RPS6KA3: variants seen among roughly 807,000 people sequenced by gnomAD.
The protein encoded by RPS6KA3 is ribosomal protein S6 kinase A3, also known as ribosomal protein S6 kinase alpha-3.
Under a neutral mutation model 67.2 loss-of-function variants are expected in RPS6KA3, and 4 were observed. The ratio of observed to expected loss-of-function variants is 0.06; its 90% CI spans 0.03 to 0.14. The LOEUF (loss-of-function observed/expected upper bound fraction) is 0.14, where lower values mean the gene tolerates loss of function less well. Ranked by LOEUF, RPS6KA3 falls within the 10% of genes least tolerant of loss-of-function variation. RPS6KA3 has a pLI of 1.00. For missense variants in RPS6KA3, 204 were observed against 559.0 expected, an observed-to-expected ratio of 0.36 and a Z score of 6.40; for synonymous variants, 182 against 183.7, an observed-to-expected ratio of 0.99 and a Z score of 0.07.
intron 2 of RPS6KA3, among the ~76,000 whole-genome samples, chrX:20,215,948 A>G (rs2068838646): frequency 1.8e-5 from 2 of 111,369 alleles, no homozygotes; most frequent in South Asian, 3.7e-4. Context: ...ATTTTTGCCT[A>G]TAAGTACATG....
rs537070574 is a variant in RPS6KA3 at position 20,152,423 on chromosome X, T to C, written c.*2975A>G. 7.1e-5 allele frequency: 8 copies of C among 112,887 alleles called. No homozygotes were observed. Among genetic ancestry groups the C allele is most frequent in the Middle Eastern group, 4.6e-3 (1 of 218 alleles). The allele number at this position is 112,887 out of a possible 1,213,427, so 9.3% of individuals were successfully genotyped here. ...ACCTTCCAGTACGTGCTTGACAAGC[T>C]TAAATTCAATCTCTCATTTTGTAAA... On this transcript the variant is annotated 3_prime_UTR_variant, in exon 22 of 22. Coordinates refer to ENST00000379565, the MANE Select transcript of RPS6KA3 (RefSeq NM_004586.3).
chrX:20,176,951 A>C (rs1167202474), intron 11 of RPS6KA3, 45 bp downstream of exon 11: 2 of 938,083 alleles, frequency 2.1e-6, no homozygotes, highest in Admixed American at 2.2e-5. Flanking sequence ...CTAAAAACAA[A>C]CACCAACAAA....
chrX:20,197,392 CTT>C (rs750206076), intron 4 of RPS6KA3, among the ~76,000 whole-genome samples: 3 of 112,275 alleles, frequency 2.7e-5, no homozygotes, highest in Non-Finnish European at 3.8e-5. Flanking sequence ...GTATATCCCT[CTT>C]GTCTTATTTT....
chrX:20,210,854 T>C (rs1323859648), intron 2 of RPS6KA3, among the ~76,000 whole-genome samples: 5 of 111,264 alleles, frequency 4.5e-5, no homozygotes, highest in Non-Finnish European at 9.4e-5. Flanking sequence ...AGCTGACTCT[T>C]AAAACGCTAC....
Position 20,154,436 on chromosome X carries a change from T to G in RPS6KA3, c.*962A>C, listed in dbSNP as rs758603277. ...CTAAATTTTCCTTCACCCATCTCCT[T>G]ACCATGACTCTTAAAGGGCTTTGAC... On this transcript the variant is annotated 3_prime_UTR_variant, in exon 22 of 22. Coordinates refer to ENST00000379565, the MANE Select transcript of RPS6KA3 (RefSeq NM_004586.3). 9.8e-5 allele frequency: 11 copies of G among 112,385 alleles called. No individual in the cohort carries two copies. The highest frequency in any genetic ancestry group is 1.9e-4 in the Non-Finnish European group (10 of 53,282). 9.3% of individuals were successfully genotyped at this position (112,385 alleles called of 1,213,427 possible).
intron 1 of RPS6KA3, chrX:20,235,577 T>C (rs999200690): frequency 9.0e-6 from 1 of 111,198 alleles, no homozygotes; most frequent in African/African-American, 3.3e-5. Context: ...AAGAAATGCA[T>C]TTAACCCAAA....
At chrX:20,196,935 G>A (rs2068289162) in intron 4 of RPS6KA3, among the ~76,000 whole-genome samples, 1 of 111,804 alleles carries the variant, frequency 8.9e-6, no homozygotes, top group Non-Finnish European at 1.9e-5. Flanking sequence ...CCTCTCCAGG[G>A]TTCAAGTTAT....
chrX:20,227,893 A>G (rs1307445676), intron 2 of RPS6KA3, among the ~76,000 whole-genome samples: 2 of 108,931 alleles, frequency 1.8e-5, no homozygotes, highest in Non-Finnish European at 1.9e-5. Context: ...CATTTCCTCT[A>G]TTGTCTCTTT....
Position 20,209,524 on chromosome X carries a change from A to G in RPS6KA3, c.127-120T>C, listed in dbSNP as rs1246408736. ...TTAATTAGAAATCAATCTAATTTCT[A>G]AACATATTAGAAATCCCAAATTAAC... On this transcript the variant is annotated intron_variant, in intron 2 of 21. Transcript: ENST00000379565. 1.7e-5 allele frequency: 8 copies of G among 481,466 alleles called. No homozygotes were observed. In the Admixed American group the frequency reaches 2.5e-4, roughly 15 times the overall value. The allele number at this position is 481,466 out of a possible 1,213,427, so 39.7% of individuals were successfully genotyped here. A position where few individuals can be genotyped will look rare whatever the true frequency, so the allele number is the denominator to read the frequency against.
chrX:20,196,501 A>G (rs2068275868), intron 4 of RPS6KA3, among the ~76,000 whole-genome samples: 1 of 112,547 alleles, frequency 8.9e-6, no homozygotes, highest in African/African-American at 3.2e-5. Flanking sequence ...TGGAAAGAAT[A>G]GGACAATCTT....
At chrX:20,188,836 G>A (rs1016977105) in intron 7 of RPS6KA3, among the ~76,000 whole-genome samples, 4 of 112,849 alleles carry the variant, frequency 3.5e-5, no homozygotes, top group Admixed American at 9.4e-5. Flanking sequence ...TTCTGCAGAC[G>A]TAGTTTGACT....
intron 1 of RPS6KA3, among the ~76,000 whole-genome samples, chrX:20,249,348 T>C (rs1431302862): frequency 8.9e-6 from 1 of 112,170 alleles, no homozygotes; most frequent in East Asian, 2.8e-4. Context: ...AACTGCTGGA[T>C]CATATAGCAA....
intron 4 of RPS6KA3, among the ~76,000 whole-genome samples, chrX:20,200,784 C>T (rs926687202): frequency 2.7e-5 from 3 of 110,864 alleles, no homozygotes; most frequent in African/African-American, 3.3e-5. Context: ...AAGACTCAAG[C>T]GTTCCTCCCG....
At chrX:20,163,063 A>T (rs2067344012) in intron 18 of RPS6KA3, 23 bp from the exon 19 acceptor site, 2 of 950,151 alleles carry the variant, frequency 2.1e-6, no homozygotes, top group Non-Finnish European at 1.5e-6. Context: ...CAAAATTAGT[A>T]TTACTATACC....
chrX:20,214,841 C>CTTTTTTTTTTTTTTTT (rs753632500), intron 2 of RPS6KA3, among the ~76,000 whole-genome samples: 1 of 90,358 alleles, frequency 1.1e-5, no homozygotes. Context: ...TTCTTTTTTT[C>CTTTTTTTTTTTTTTTT]TTTTTTTTTT....
chrX:20,234,844 C>G, intron 1 of RPS6KA3, 30 bp from the exon 2 acceptor site: 1 of 1,086,643 alleles, frequency 9.2e-7, no homozygotes, highest in South Asian at 1.8e-5. Context: ...CAGGAAGTTA[C>G]CAAAACAGAC....
chrX:20,255,789 CAAAAAAAAAA>C (rs766544803), intron 1 of RPS6KA3, among the ~76,000 whole-genome samples: 7 of 17,146 alleles, frequency 4.1e-4, no homozygotes, highest in Non-Finnish European at 5.2e-4. Context: ...AATTTCGTCT[CAAAAAAAAAA>C]AAAAAAAAAA....
chrX:20,182,079 T>G (rs1009336315), intron 10 of RPS6KA3, among the ~76,000 whole-genome samples: 1 of 111,385 alleles, frequency 9.0e-6, no homozygotes, highest in Non-Finnish European at 1.9e-5. Flanking sequence ...TAATATAAAA[T>G]GCCCCAAAAA....
At position 20,167,694 on chromosome X, in the gene RPS6KA3, A is replaced by G. The variant is rs2148650032; in HGVS notation, c.1497T>C (p.Gly499=). ...VYVVTELMKG[G]ELLDKILRQK... ...GTCTAAGAATTTTATCCAGCAATTC[A>G]CCTCCTTTCATAAGTTCTGTTACTA... The change falls in exon 17 of 22, where the codon GGT becomes GGC. Residue 499 remains glycine, a synonymous_variant. Transcript: ENST00000379565. 1 of 1,187,702 alleles carries G rather than the reference A, an allele frequency of 8.4e-7. No homozygotes were observed. The highest frequency in any genetic ancestry group is 3.0e-5 in the East Asian group (1 of 33,716).
Sources: gnomAD v4.1 joint callset for allele counts (sites outside exome capture counted in the v4.1 genomes callset) on GRCh38, gnomAD v4.1.1 for gene constraint, MANE v1.5 for transcripts, NCBI Gene and HGNC (gene_info 2026-07-23, HGNC 2026-07-21) for gene names.